Variants in GIGYF2 observed in about 807,000 individuals in gnomAD.
GIGYF2 encodes the protein GRB10-interacting GYF protein 2.
A neutral mutation model predicts 208.1 loss-of-function variants in GIGYF2; 25 were observed. The ratio of observed to expected loss-of-function variants is 0.12; its 90% CI spans 0.09 to 0.17. GIGYF2 has a LOEUF of 0.17. Ranked by LOEUF, GIGYF2 falls within the 10% of genes least tolerant of loss-of-function variation. The pLI, the probability that GIGYF2 is intolerant of heterozygous loss-of-function variation, is 1.00. For missense variants in GIGYF2, 1,302 were observed against 1,579.4 expected, an observed-to-expected ratio of 0.82 and a Z score of 2.98; for synonymous variants, 534 against 543.8, an observed-to-expected ratio of 0.98 and a Z score of 0.25.
chr2:232,771,459 G>C, intron 8 of GIGYF2: 1 of 883,926 alleles, frequency 1.1e-6, no homozygotes, highest in Non-Finnish European at 1.7e-6. Flanking sequence ...TGGACTTTCT[G>C]CTTTCTTGGG....
chr2:232,740,387 A>G (rs757949888), intron 3 of GIGYF2, among the ~76,000 whole-genome samples: 2 of 152,186 alleles, frequency 1.3e-5, no homozygotes, highest in African/African-American at 2.4e-5. Flanking sequence ...GCTTTCTGGG[A>G]AGGAGCCAAG....
intron 1 of GIGYF2, among the ~76,000 whole-genome samples, chr2:232,700,212 G>A (rs1657351949): frequency 1.3e-5 from 2 of 152,202 alleles, no homozygotes; most frequent in Non-Finnish European, 2.9e-5. Context: ...CATAGTGATG[G>A]TAGTGATGAG....
chr2:232,779,913 G>A (rs1699653564), intron 8 of GIGYF2, among the ~76,000 whole-genome samples: 1 of 152,170 alleles, frequency 6.6e-6, no homozygotes, highest in Admixed American at 6.6e-5. Flanking sequence ...TGAGTGGGAT[G>A]CCCTTTCACC....
At chr2:232,732,533 C>G (rs1301352684) in intron 2 of GIGYF2, among the ~76,000 whole-genome samples, 1 of 152,058 alleles carries the variant, frequency 6.6e-6, no homozygotes. Flanking sequence ...ACAACTCGCA[C>G]CCAGCCAGTA....
intron 14 of GIGYF2, among the ~76,000 whole-genome samples, chr2:232,803,425 G>A (rs1214288950): frequency 1.3e-5 from 2 of 151,640 alleles, no homozygotes; most frequent in Non-Finnish European, 2.9e-5. Flanking sequence ...GATGCCAATG[G>A]TTTTTTTTGT....
intron 2 of GIGYF2, among the ~76,000 whole-genome samples, chr2:232,714,750 A>G (rs1696599191): frequency 6.6e-6 from 1 of 151,708 alleles, no homozygotes; most frequent in Non-Finnish European, 1.5e-5. Flanking sequence ...TGCGTCTTCT[A>G]GAAATTCATG....
intron 18 of GIGYF2, 79 bp downstream of exon 18, chr2:232,812,570 A>C (rs1010356930): frequency 1.4e-6 from 1 of 706,152 alleles, no homozygotes; most frequent in African/African-American, 1.8e-5. Flanking sequence ...GTTCTTAAAA[A>C]ATATATTAGG....
chr2:232,849,863 TCC>T (rs1197600278), intron 27 of GIGYF2, among the ~76,000 whole-genome samples: 27 of 152,232 alleles, frequency 1.8e-4, no homozygotes. Context: ...GTCCTCTCTG[TCC>T]TGGGGCCCAG....
chr2:232,833,881 T>C (rs924622634), intron 22 of GIGYF2, among the ~76,000 whole-genome samples: 25 of 140,986 alleles, frequency 1.8e-4, no homozygotes, highest in African/African-American at 6.4e-4. Flanking sequence ...GATTCAAAAC[T>C]TTTTTTTTTT....
Position 232,833,087 on chromosome 2 carries a change from G to T in GIGYF2, c.2760G>T (p.Gln920His). ...QQQQQQQQLA[Q>H]MKLPSSSTWG... is the part of the protein sequence containing the mutation. The stretch of plus-strand genomic sequence containing the variant: ...AGCAGCAGCAACAACAGCTGGCGCA[G>T]ATGAAGGTAAAGCCCGAGGCATCAA... The change falls in exon 22 of 29, where the codon CAG becomes CAT. Residue 920 changes from glutamine to histidine, a missense_variant. Gln to His is a conservative substitution (Grantham distance 24, BLOSUM62 0). Transcript: ENST00000373563. The T allele has an allele frequency of 6.4e-7, 1 of 1,550,924 alleles. No individual in the cohort carries two copies.
intron 2 of GIGYF2, among the ~76,000 whole-genome samples, chr2:232,723,767 T>C (rs1224547703): frequency 1.8e-5 from 2 of 110,826 alleles, no homozygotes; most frequent in Non-Finnish European, 3.6e-5. Context: ...AGTTTCGCTC[T>C]TGTTGCCCAG....
In GIGYF2 at chr2:232,847,489, A is replaced by G. The variant is rs1360001633; in HGVS notation, c.3602A>G (p.Asn1201Ser). The change falls in exon 27 of 29, where the codon AAC becomes AGC. Residue 1201 changes from asparagine to serine, a missense_variant. This residue lies in a region of GIGYF2 where 701 missense variants were observed against 793.0 expected (regional missense o/e 0.88). Transcript: ENST00000373563. The part of the protein sequence containing the change: ...FLERRAKQKA[N>S]QQRQQQQLPQ... ...GAGCGCCGTGCCAAACAGAAAGCCA[A>G]CCAGCAGCGTCAGCAGCAGCAGCTG... 3 of 1,604,962 alleles carry G rather than the reference A, an allele frequency of 1.9e-6. No individual in the cohort carries two copies. Among genetic ancestry groups the G allele is most frequent in the Non-Finnish European group, 1.7e-6 (2 of 1,177,228 alleles).
chr2:232,764,642 A>G (rs989665077), intron 8 of GIGYF2: 2 of 152,254 alleles, frequency 1.3e-5, no homozygotes, highest in Non-Finnish European at 2.9e-5. Context: ...GTATGTTTCT[A>G]AAGGGCAGAA....
intron 9 of GIGYF2, 28 bp from the exon 10 acceptor site, chr2:232,790,670 A>G: frequency 6.4e-7 from 1 of 1,562,856 alleles, no homozygotes; most frequent in Admixed American, 1.7e-5. Flanking sequence ...AAACTTTTCT[A>G]AGGTTTGTGT....
chr2:232,779,454 G>A (rs926912858), intron 8 of GIGYF2, among the ~76,000 whole-genome samples: 8 of 152,254 alleles, frequency 5.3e-5, no homozygotes, highest in Non-Finnish European at 1.0e-4. Context: ...GTTGGAGTGC[G>A]ATTTCTGGCC....
chr2:232,709,385 A>T (rs1696276486), intron 2 of GIGYF2, among the ~76,000 whole-genome samples: 1 of 152,188 alleles, frequency 6.6e-6, no homozygotes, highest in Admixed American at 6.6e-5. Context: ...TTGCTCTGTC[A>T]TGCAGGCAGC....
At position 232,768,506 on chromosome 2, in the gene GIGYF2, C is replaced by G; in HGVS notation, c.532+7070C>G. 1 of 1,614,098 alleles carries G rather than the reference C, an allele frequency of 6.2e-7. No homozygotes were observed. The highest frequency in any genetic ancestry group is 8.5e-7 in the Non-Finnish European group (1 of 1,179,980). Reference sequence around the variant, plus strand: ...AGTGAGAAGGATTTTCATGCTGGAGCAGAGTAGCCAGAGGACTTGATGGTG... The same window carrying G: ...AGTGAGAAGGATTTTCATGCTGGAGGAGAGTAGCCAGAGGACTTGATGGTG... On this transcript the variant is annotated intron_variant, in intron 8 of 28. Transcript: ENST00000373563.
chr2:232,741,087 C>T (rs1035756158), intron 3 of GIGYF2, among the ~76,000 whole-genome samples: 2 of 152,272 alleles, frequency 1.3e-5, no homozygotes, highest in Non-Finnish European at 2.9e-5. Flanking sequence ...AATGCAAGCA[C>T]GGGATATTCA....
At chr2:232,787,109 G>A (rs1467659064) in intron 8 of GIGYF2, 41 bp from the exon 9 acceptor site, 2 of 1,453,432 alleles carry the variant, frequency 1.4e-6, no homozygotes, top group African/African-American at 2.8e-5. Context: ...GCCTATACTG[G>A]CAGAGGCTCA....
Sources: allele counts gnomAD v4.1 joint callset (sites outside exome capture counted in the v4.1 genomes callset), GRCh38; gene constraint gnomAD v4.1.1; regional missense constraint gnomAD v4.1.1; transcripts MANE v1.5; gene names NCBI Gene and HGNC (gene_info 2026-07-23, HGNC 2026-07-21).